SKOR2: variants seen among roughly 807,000 people sequenced by gnomAD.
The protein encoded by SKOR2 is SKI family transcriptional corepressor 2, also known as LBX1 corepressor 1-like protein.
A neutral mutation model predicts 69.1 loss-of-function variants in SKOR2; 47 were observed. That is an observed-to-expected ratio of 0.68 (90% CI 0.54 to 0.87). The LOEUF is 0.87. SKOR2 is among the 40% of genes least tolerant of loss of function. The pLI is 0.00. For synonymous variants in SKOR2, 717 were observed against 672.6 expected (o/e 1.07, Z -1.02); for missense variants, 1,404 against 1,472.2 (o/e 0.95, Z 0.76).
intron 7 of SKOR2, among the ~76,000 whole-genome samples, chr18:47,215,312 G>A (rs2144479892): frequency 6.6e-6 from 1 of 151,912 alleles, no homozygotes; most frequent in South Asian, 2.1e-4. Flanking sequence ...AGTGGCCCAG[G>A]GATCTTCTTC....
In SKOR2 at chr18:47,220,028, TAGAG is replaced by T. The variant is rs2064156448; in HGVS notation, c.2918-22_2918-19del. On this transcript the variant is annotated intron_variant, in intron 6 of 8. Coordinates refer to ENST00000425639, the MANE Select transcript of SKOR2 (RefSeq NM_001278063.4). ...AAAATTATCTGGTAGGAGAGAGAGATAGAGAAAGATTAACTAAAGTGTAAAATCT... is the reference window on the plus strand; with the variant it reads ...AAAATTATCTGGTAGGAGAGAGAGATAAAGATTAACTAAAGTGTAAAATCT... 2 of 1,526,914 alleles carry T rather than the reference TAGAG, an allele frequency of 1.3e-6. No homozygotes were observed. Among genetic ancestry groups the T allele is most frequent in the African/African-American group, 1.4e-5 (1 of 72,604 alleles). The allele number at this position is 1,526,914 out of a possible 1,614,324, so 94.6% of individuals were successfully genotyped here.
chr18:47,248,311 T>TGGC lies in SKOR2; in HGVS notation c.870_872dup (p.Pro294dup), dbSNP rs984523922. On this transcript the variant is annotated inframe_insertion, in exon 2 of 9. Coordinates refer to ENST00000425639, the MANE Select transcript of SKOR2 (RefSeq NM_001278063.4). The surrounding 1 kb of genome is among the most constrained non-coding windows in gnomAD (Gnocchi z 6.4). ...CAGCCAGCTCTGCCAAGGGCGGCGG[T>TGGC]GGCGGCGGCGGCGGCGGGGGCGCAC... The TGGC allele has an allele frequency of 6.2e-5, 74 of 1,202,482 alleles. No homozygotes were observed. The highest frequency in any genetic ancestry group is 2.4e-4 in the African/African-American group (15 of 62,466). 74.5% of individuals were successfully genotyped at this position (1,202,482 alleles called of 1,614,324 possible). A position where few individuals can be genotyped will look rare whatever the true frequency, so the allele number is the denominator to read the frequency against.
At chr18:47,220,134 G>T in intron 6 of SKOR2, 124 bp from the exon 7 acceptor site, 1 of 672,934 alleles carries the variant, frequency 1.5e-6, no homozygotes, top group Non-Finnish European at 2.4e-6. Flanking sequence ...TTTTTTCATA[G>T]GCAAATTATA....
Position 47,223,962 on chromosome 18 carries a change from G to A in SKOR2, c.2918-3952C>T, listed in dbSNP as rs865905421. 5.3e-5 allele frequency among the ~76,000 whole-genome samples: 8 copies of A among 150,524 alleles called. 1 individual carries two copies. Among genetic ancestry groups the A allele is most frequent in the Admixed American group, 4.0e-4 (6 of 15,090 alleles). On this transcript the variant is annotated intron_variant, in intron 6 of 8. Transcript: ENST00000425639. ...ACTCTGTCGCCCAGGCTGGAGTGCC[G>A]TGGCATGATCTCAGCTTGCTACAAC...
At chr18:47,228,677 A>C (rs1042389079) in intron 6 of SKOR2, among the ~76,000 whole-genome samples, 1 of 152,210 alleles carries the variant, frequency 6.6e-6, no homozygotes, top group African/African-American at 2.4e-5. Flanking sequence ...AAACGTATTC[A>C]ATGCCTCTCA....
rs764503433 is a variant in SKOR2, at chr18:47,248,625, T to A, written c.559A>T (p.Ile187Phe). 1 of 1,553,258 alleles carries A rather than the reference T, an allele frequency of 6.4e-7. No homozygotes were observed. ...TCGGGCGTGCGGTGGGAGTGGAAAA[T>A]GAACTTGTTGGGCGAGAAGTACATG... ...CNMYFSPNKF[I>F]FHSHRTPDAK... The change falls in exon 2 of 9, where the codon ATT becomes TTT. Residue 187 changes from isoleucine to phenylalanine, a missense_variant. By Grantham distance (21) the Ile-to-Phe change is conservative (BLOSUM62 0). This residue lies in a region of SKOR2 where 1,266 missense variants were observed against 1,309.9 expected (regional missense o/e 0.97). Transcript: ENST00000425639. This position sits in a 1 kb window ranked among gnomAD's most constrained non-coding sequence, Gnocchi z 6.4.
intron 4 of SKOR2, among the ~76,000 whole-genome samples, chr18:47,231,582 G>A (rs374502225): frequency 2.0e-5 from 3 of 151,982 alleles, no homozygotes; most frequent in Non-Finnish European, 2.9e-5. Context: ...GGTGGCTCAC[G>A]CCTATAATCC....
In SKOR2 at chr18:47,249,110, G is replaced by T. The variant is rs763736877; in HGVS notation, c.74C>A (p.Thr25Lys). 2.0e-6 allele frequency: 3 copies of T among 1,536,138 alleles called. No individual in the cohort carries two copies. Among genetic ancestry groups the T allele is most frequent in the Non-Finnish European group, 1.7e-6 (2 of 1,146,864 alleles). Residue 25 changes from threonine to lysine, a missense_variant, in exon 2 of 9, where the codon ACG (threonine) becomes AAG (lysine). Thr to Lys is a moderately conservative substitution (Grantham distance 78). Around this residue, in one of 3 missense-constraint regions of SKOR2, gnomAD observed 104 missense variants for 95.7 expected, o/e 1.09. Transcript: ENST00000425639. ...ASPSSAFQPDTLSQPRPGHAN... is the reference protein window; with the variant it reads ...ASPSSAFQPDKLSQPRPGHAN... ...GTGCCCTGGCCGCGGCTGGCTCAGCGTGTCGGGCTGGAAGGCGCTCGACGG... is the reference window on the plus strand; with the variant it reads ...GTGCCCTGGCCGCGGCTGGCTCAGCTTGTCGGGCTGGAAGGCGCTCGACGG...
intron 6 of SKOR2, among the ~76,000 whole-genome samples, chr18:47,221,409 G>A (rs1304034691): frequency 6.6e-6 from 1 of 152,152 alleles, no homozygotes; most frequent in Admixed American, 6.5e-5. Context: ...TCTACATAAA[G>A]ACATGGAAGG....
rs994270352 is a variant in SKOR2, at chr18:47,206,502, T to C, written c.*394A>G. 2.0e-5 allele frequency: 3 copies of C among 152,166 alleles called. No homozygotes were observed. Among genetic ancestry groups the C allele is most frequent in the African/African-American group, 7.2e-5 (3 of 41,430 alleles). The allele number at this position is 152,166 out of a possible 1,614,324, so 9.4% of individuals were successfully genotyped here. On this transcript the variant is annotated 3_prime_UTR_variant, in exon 9 of 9. Coordinates refer to ENST00000425639, the MANE Select transcript of SKOR2 (RefSeq NM_001278063.4). ...ACTTCTTCAAAAAGAGAAGACAGTT[T>C]TGTAGAGTTGCTTTCTCCATGTGTG...
intron 4 of SKOR2, among the ~76,000 whole-genome samples, chr18:47,235,280 G>A (rs1054411074): frequency 6.6e-6 from 1 of 152,064 alleles, no homozygotes; most frequent in Non-Finnish European, 1.5e-5. Flanking sequence ...TTGAGCCCTG[G>A]AGGTCAAGGC....
At chr18:47,238,550 T>G (rs1231117348) in intron 4 of SKOR2, among the ~76,000 whole-genome samples, 1 of 152,148 alleles carries the variant, frequency 6.6e-6, no homozygotes, top group East Asian at 1.9e-4. Context: ...CTTGAACTCC[T>G]GACCTCAGGC....
At chr18:47,209,482 T>C (rs2064121718) in intron 8 of SKOR2, among the ~76,000 whole-genome samples, 1 of 152,198 alleles carries the variant, frequency 6.6e-6, no homozygotes, top group African/African-American at 2.4e-5. Flanking sequence ...CAGTCATGAT[T>C]CTCTGCTTGG....
chr18:47,212,026 A>G, intron 8 of SKOR2, 60 bp downstream of exon 8: 1 of 1,220,116 alleles, frequency 8.2e-7, no homozygotes, highest in South Asian at 4.2e-5. Context: ...AATAAAGAAT[A>G]TGTTCAAGCA....
intron 6 of SKOR2, among the ~76,000 whole-genome samples, chr18:47,223,251 C>A (rs560167470): frequency 1.6e-3 from 250 of 152,032 alleles, no homozygotes; most frequent in Middle Eastern, 6.8e-3. Context: ...TGGGCATTCA[C>A]AAAACATATG....
chr18:47,227,863 G>C (rs2078777726), intron 6 of SKOR2, among the ~76,000 whole-genome samples: 1 of 152,300 alleles, frequency 6.6e-6, no homozygotes, highest in South Asian at 2.1e-4. Flanking sequence ...GCAAGTAGCA[G>C]AGCCTGAAAG....
At chr18:47,225,038 A>G (rs778362526) in intron 6 of SKOR2, among the ~76,000 whole-genome samples, 1 of 152,178 alleles carries the variant, frequency 6.6e-6, no homozygotes, top group Non-Finnish European at 1.5e-5. Context: ...AGAGTATGCT[A>G]CAAAAAGAAA....
intron 8 of SKOR2, among the ~76,000 whole-genome samples, chr18:47,208,805 A>G (rs1171705656): frequency 1.3e-5 from 2 of 152,212 alleles, no homozygotes; most frequent in African/African-American, 4.8e-5. Context: ...TCATGAGCTT[A>G]TAATGAGACA....
intron 6 of SKOR2, among the ~76,000 whole-genome samples, chr18:47,227,027 T>C (rs1324033916): frequency 6.6e-6 from 1 of 152,180 alleles, no homozygotes; most frequent in African/African-American, 2.4e-5. Context: ...GGGCTATGCA[T>C]AAGTATCAGT....
Sources: allele counts gnomAD v4.1 joint callset (sites outside exome capture counted in the v4.1 genomes callset), GRCh38; gene constraint gnomAD v4.1.1; regional missense constraint gnomAD v4.1.1; non-coding constraint Gnocchi (gnomAD v3.1); transcripts MANE v1.5; gene names NCBI Gene and HGNC (gene_info 2026-07-23, HGNC 2026-07-21).